COL5A1: variants seen among roughly 807,000 people sequenced by gnomAD.
COL5A1 encodes the protein collagen alpha-1(V) chain.
Under a neutral mutation model 263.7 loss-of-function variants are expected in COL5A1, and 16 were observed. The ratio of observed to expected loss-of-function variants is 0.06; its 90% CI spans 0.04 to 0.09. The LOEUF (loss-of-function observed/expected upper bound fraction) is 0.09. Among genes scored for constraint, COL5A1 ranks in the 10% least tolerant of loss-of-function variants. The pLI is 1.00. For synonymous variants in COL5A1, 1,012 were observed against 1,004.5 expected (o/e 1.01, Z -0.14); for missense variants, 2,036 against 2,540.5 (o/e 0.80, Z 4.27).
rs1001268036 is a variant in COL5A1 at position 134,758,203 on chromosome 9, C to T, written c.1882-40C>T. On this transcript the variant is annotated intron_variant, in intron 17 of 65. Coordinates refer to ENST00000371817, the MANE Select transcript of COL5A1 (RefSeq NM_000093.5). This position sits in a 1 kb window ranked among gnomAD's most constrained non-coding sequence, Gnocchi z 4.1. ...CACCAAGGCGGGGTGTCCACGTGTG[C>T]AGGGTGGCGTCTGAGGCAGCCTTTC... 6.2e-7 allele frequency: 1 copy of T among 1,610,952 alleles called. No homozygotes were observed. Among genetic ancestry groups the T allele is most frequent in the African/African-American group, 1.3e-5 (1 of 74,838 alleles).
At chr9:134,809,096 G>A in intron 42 of COL5A1, 87 bp from the exon 43 acceptor site, 2 of 1,170,122 alleles carry the variant, frequency 1.7e-6, no homozygotes, top group Non-Finnish European at 1.2e-6. Context: ...CTTCCTGCCA[G>A]CGGATCCCTC....
At chr9:134,707,928 G>C (rs961606612) in intron 4 of COL5A1, among the ~76,000 whole-genome samples, 1 of 152,188 alleles carries the variant, frequency 6.6e-6, no homozygotes, top group Non-Finnish European at 1.5e-5. Flanking sequence ...AGCTGTGTGC[G>C]GCTGGCGGCT....
At chr9:134,645,700 G>A (rs376891232) in intron 1 of COL5A1, among the ~76,000 whole-genome samples, 26 of 152,352 alleles carry the variant, frequency 1.7e-4, no homozygotes, top group African/African-American at 6.0e-4. Flanking sequence ...CCAGGCAGAT[G>A]TCTTCCATTC....
At chr9:134,812,400 A>G in intron 46 of COL5A1, 49 bp from the exon 47 acceptor site, 1 of 1,582,686 alleles carries the variant, frequency 6.3e-7, no homozygotes, top group Middle Eastern at 1.7e-4. Flanking sequence ...TGTGTGTTTG[A>G]CATACACATG....
intron 42 of COL5A1, among the ~76,000 whole-genome samples, chr9:134,808,439 T>C (rs1838374394): frequency 6.6e-6 from 1 of 152,152 alleles, no homozygotes; most frequent in African/African-American, 2.4e-5. Flanking sequence ...GGAAAAATAG[T>C]GTGTGCGTAT....
chr9:134,672,189 T>C (rs1832557182), intron 1 of COL5A1, among the ~76,000 whole-genome samples: 2 of 152,278 alleles, frequency 1.3e-5, no homozygotes, highest in Non-Finnish European at 2.9e-5. Flanking sequence ...AATTTCCTGC[T>C]AGATGCCAAT....
At position 134,821,027 on chromosome 9, in the gene COL5A1, G is replaced by C. The variant is rs1838973930; in HGVS notation, c.4554+804G>C. Among the ~76,000 whole-genome samples the C allele has an allele frequency of 6.6e-6, 1 of 152,174 alleles. No homozygotes were observed. Among genetic ancestry groups the C allele is most frequent in the Admixed American group, 6.5e-5 (1 of 15,276 alleles). On this transcript the variant is annotated intron_variant, in intron 58 of 65. Transcript: ENST00000371817. The surrounding 1 kb of genome is among the most constrained non-coding windows in gnomAD (Gnocchi z 4.2). ...CACCCTCACTATGGGCCCGGGGAAGGTTGCAGGACATGGCTGAAGGGTGGA... is the reference window on the plus strand; with the variant it reads ...CACCCTCACTATGGGCCCGGGGAAGCTTGCAGGACATGGCTGAAGGGTGGA...
At chr9:134,750,452 G>A in intron 11 of COL5A1, 90 bp from the exon 12 acceptor site, 1 of 1,166,196 alleles carries the variant, frequency 8.6e-7, no homozygotes, top group Non-Finnish European at 1.3e-6. Context: ...TTTCCCGGGT[G>A]GGCCGCTTCT....
chr9:134,790,277 C>G (rs73560070), intron 32 of COL5A1, among the ~76,000 whole-genome samples: 3,865 of 152,268 alleles, frequency 0.025, 65 homozygotes, highest in Non-Finnish European at 0.039. Context: ...TCCATCTCCA[C>G]CCCTCTCTGT....
chr9:134,657,771 G>T (rs541665040), intron 1 of COL5A1, among the ~76,000 whole-genome samples: 1 of 151,916 alleles, frequency 6.6e-6, no homozygotes, highest in African/African-American at 2.4e-5. Context: ...AGGGCAGGGG[G>T]TGGGACAGGA....
chr9:134,788,464 A>T (rs958558714), intron 31 of COL5A1, among the ~76,000 whole-genome samples: 4 of 144,576 alleles, frequency 2.8e-5, no homozygotes, highest in African/African-American at 1.0e-4. Flanking sequence ...AGATGTATAC[A>T]TAGGTAGGCC....
At chr9:134,825,452 C>A (rs1839226084) in intron 62 of COL5A1, among the ~76,000 whole-genome samples, 1 of 152,184 alleles carries the variant, frequency 6.6e-6, no homozygotes, top group African/African-American at 2.4e-5. Flanking sequence ...AGACTCTGAT[C>A]CTACATGCAT....
intron 1 of COL5A1, among the ~76,000 whole-genome samples, chr9:134,655,153 G>T (rs1272665555): frequency 6.6e-6 from 1 of 151,188 alleles, no homozygotes; most frequent in African/African-American, 2.4e-5. Flanking sequence ...GAGGTGTGTA[G>T]GGCTGGTGTG....
At chr9:134,831,669 C>A (rs1193382872) in intron 64 of COL5A1, among the ~76,000 whole-genome samples, 2 of 152,200 alleles carry the variant, frequency 1.3e-5, no homozygotes, top group African/African-American at 4.8e-5. Flanking sequence ...ACTGCCCTCT[C>A]CCCGCAATGA....
chr9:134,731,198 A>G (rs927573760), intron 7 of COL5A1, among the ~76,000 whole-genome samples: 2 of 152,190 alleles, frequency 1.3e-5, no homozygotes, highest in Non-Finnish European at 2.9e-5. Flanking sequence ...CCTGGGATGC[A>G]TTATCGCAAG....
In COL5A1 at chr9:134,682,660, G is replaced by A. The variant is rs998523523; in HGVS notation, c.110-8252G>A. On this transcript the variant is annotated intron_variant, in intron 1 of 65. Coordinates refer to ENST00000371817, the MANE Select transcript of COL5A1 (RefSeq NM_000093.5). This position sits in a 1 kb window ranked among gnomAD's most constrained non-coding sequence, Gnocchi z 5.1. ...ACTCCTTGACTGGAAAGTAACAGTG[G>A]GCACTGCTCCGGCTCAGGGGGGCAC... Among the ~76,000 whole-genome samples the A allele has an allele frequency of 1.3e-5, 2 of 152,224 alleles. No homozygotes were observed. The highest frequency in any genetic ancestry group is 2.9e-5 in the Non-Finnish European group (2 of 68,046).
intron 36 of COL5A1, 147 bp from the exon 37 acceptor site, chr9:134,798,261 C>G (rs1837987141): frequency 1.3e-6 from 1 of 759,632 alleles, no homozygotes. Context: ...TGTCACTGTC[C>G]CCGTGCCTGC....
chr9:134,674,612 G>C (rs1185042499), intron 1 of COL5A1, among the ~76,000 whole-genome samples: 1 of 152,146 alleles, frequency 6.6e-6, no homozygotes, highest in Non-Finnish European at 1.5e-5. Context: ...TTTGGCTGGT[G>C]CGATGACTCA....
At position 134,692,495 on chromosome 9, in the gene COL5A1, C is replaced by T. The variant is rs147713442; in HGVS notation, c.277+1416C>T. 2.5e-3 allele frequency among the ~76,000 whole-genome samples: 387 copies of T among 152,266 alleles called. 2 individuals carry two copies. The highest frequency in any genetic ancestry group is 8.7e-3 in the African/African-American group (360 of 41,556). On this transcript the variant is annotated intron_variant, in intron 2 of 65. Transcript: ENST00000371817. ...GCCCCATGACCCCCGGTTTAGAATT[C>T]GTGACCTAGAGATCCTGGGAGGGCT...
Sources: gnomAD v4.1 joint callset for allele counts (sites outside exome capture counted in the v4.1 genomes callset) on GRCh38, gnomAD v4.1.1 for gene constraint, Gnocchi (gnomAD v3.1) non-coding constraint, MANE v1.5 for transcripts, NCBI Gene and HGNC (gene_info 2026-07-23, HGNC 2026-07-21) for gene names.